The following NXPH1 variants were observed in gnomAD, a reference collection of about 807,000 sequenced individuals.
NXPH1 encodes neurexophilin-1.
NXPH1 carries 5 observed loss-of-function variants against 23.7 expected under a neutral mutation model. The observed-to-expected ratio is 0.21, with a 90% CI of 0.11 to 0.44. NXPH1 has a LOEUF of 0.44. Among genes scored for constraint, NXPH1 ranks in the 20% least tolerant of loss-of-function variants. NXPH1 has a pLI of 0.99. For missense variants in NXPH1, 324 were observed against 321.6 expected, an observed-to-expected ratio of 1.01 and a Z score of -0.06; for synonymous variants, 144 against 122.2, an observed-to-expected ratio of 1.18 and a Z score of -1.18.
intron 2 of NXPH1, among the ~76,000 whole-genome samples, chr7:8,733,627 G>A (rs1780196124): frequency 6.6e-6 from 1 of 152,072 alleles, no homozygotes; most frequent in Admixed American, 6.6e-5. Flanking sequence ...TTTCTCTAAT[G>A]ACCAGTGATG....
chr7:8,562,286 T>C (rs1325160169), intron 2 of NXPH1, among the ~76,000 whole-genome samples: 4 of 151,746 alleles, frequency 2.6e-5, no homozygotes, highest in Non-Finnish European at 5.9e-5. Flanking sequence ...ATGGAAAATA[T>C]TGATCCTCAA....
intron 2 of NXPH1, among the ~76,000 whole-genome samples, chr7:8,514,800 C>T (rs1817663265): frequency 6.6e-6 from 1 of 152,124 alleles, no homozygotes; most frequent in South Asian, 2.1e-4. Context: ...ACTCCACTTC[C>T]TGCCCCTCCA....
intron 2 of NXPH1, among the ~76,000 whole-genome samples, chr7:8,615,294 G>T (rs1819711589): frequency 6.6e-6 from 1 of 152,048 alleles, no homozygotes; most frequent in East Asian, 1.9e-4. Flanking sequence ...TAAACATGAG[G>T]ATTCAAACCC....
At chr7:8,632,873 C>G (rs1583206887) in intron 2 of NXPH1, among the ~76,000 whole-genome samples, 2 of 152,178 alleles carry the variant, frequency 1.3e-5, no homozygotes, top group African/African-American at 4.8e-5. Flanking sequence ...TTCTAATAAT[C>G]AAGTACCTAG....
chr7:8,597,385 T>G (rs1583181296), intron 2 of NXPH1, among the ~76,000 whole-genome samples: 1 of 151,602 alleles, frequency 6.6e-6, no homozygotes, highest in Non-Finnish European at 1.5e-5. Context: ...ATAATGGGGG[T>G]GGGCAAGTGG....
intron 2 of NXPH1, among the ~76,000 whole-genome samples, chr7:8,595,557 A>G (rs1215393364): frequency 2.0e-5 from 3 of 152,108 alleles, no homozygotes; most frequent in Non-Finnish European, 2.9e-5. Context: ...CATTGGATAC[A>G]TAATATTGAT....
At chr7:8,702,609 A>C (rs2115190634) in intron 2 of NXPH1, among the ~76,000 whole-genome samples, 1 of 152,216 alleles carries the variant, frequency 6.6e-6, no homozygotes, top group Admixed American at 6.5e-5. Context: ...TCATTCTTCT[A>C]TTATTTTCCT....
intron 2 of NXPH1, among the ~76,000 whole-genome samples, chr7:8,456,100 C>A (rs1563315318): frequency 6.6e-6 from 1 of 152,086 alleles, no homozygotes; most frequent in South Asian, 2.1e-4. Flanking sequence ...AATTGTCTTA[C>A]CTGGGTTACA....
rs556982406 is a variant in NXPH1, at chr7:8,508,166, T to C, written c.54+72399T>C. Among the ~76,000 whole-genome samples the C allele has an allele frequency of 9.4e-4, 143 of 152,260 alleles. 1 individual carries two copies. The highest frequency in any genetic ancestry group is 3.3e-3 in the African/African-American group (137 of 41,580). On this transcript the variant is annotated intron_variant, in intron 2 of 2. Transcript: ENST00000405863. ...ATAATTGCAATTTAGCTTTTCTCTC[T>C]ATTATAAATTTAGTTGTCTCTTTAC...
chr7:8,706,868 C>A (rs1419985173), intron 2 of NXPH1, among the ~76,000 whole-genome samples: 1 of 152,104 alleles, frequency 6.6e-6, no homozygotes, highest in African/African-American at 2.4e-5. Context: ...GATTTGTTTT[C>A]ATTGTCTAAA....
intron 2 of NXPH1, among the ~76,000 whole-genome samples, chr7:8,523,812 A>C (rs1014480766): frequency 6.6e-6 from 1 of 152,114 alleles, no homozygotes; most frequent in Non-Finnish European, 1.5e-5. Flanking sequence ...CTCACCCTTC[A>C]TACATTCTAT....
intron 2 of NXPH1, among the ~76,000 whole-genome samples, chr7:8,479,967 T>C (rs1220477869): frequency 6.6e-6 from 1 of 152,118 alleles, no homozygotes; most frequent in African/African-American, 2.4e-5. Flanking sequence ...ATCCTGCCTT[T>C]CCAATAAGAT....
intron 2 of NXPH1, among the ~76,000 whole-genome samples, chr7:8,709,602 G>A (rs1779755576): frequency 6.6e-6 from 1 of 152,012 alleles, no homozygotes; most frequent in Admixed American, 6.6e-5. Flanking sequence ...CAGAAACATG[G>A]ACTAATATGT....
chr7:8,667,431 C>A (rs1248032219), intron 2 of NXPH1, among the ~76,000 whole-genome samples: 2 of 146,252 alleles, frequency 1.4e-5, no homozygotes, highest in Non-Finnish European at 3.0e-5. Context: ...CTGAGAGTAT[C>A]TTTGTCAGGT....
At chr7:8,580,451 A>G (rs1411115497) in intron 2 of NXPH1, among the ~76,000 whole-genome samples, 2 of 152,210 alleles carry the variant, frequency 1.3e-5, no homozygotes, top group Non-Finnish European at 2.9e-5. Context: ...TTCCTCAGGC[A>G]AGAAGAAGCT....
chr7:8,685,432 G>C (rs192182542), intron 2 of NXPH1, among the ~76,000 whole-genome samples: 3 of 135,962 alleles, frequency 2.2e-5, no homozygotes, highest in Non-Finnish European at 1.6e-5. Context: ...CAAATAACTG[G>C]ATCTCATTTT....
At chr7:8,701,917 TC>T (rs1277309514) in intron 2 of NXPH1, among the ~76,000 whole-genome samples, 1 of 152,054 alleles carries the variant, frequency 6.6e-6, no homozygotes, top group African/African-American at 2.4e-5. Flanking sequence ...CTGATAAGCA[TC>T]TAGAACAGTC....
chr7:8,709,262 C>G (rs541015655), intron 2 of NXPH1, among the ~76,000 whole-genome samples: 1 of 152,194 alleles, frequency 6.6e-6, no homozygotes, highest in East Asian at 1.9e-4. Context: ...AAGTACTTTT[C>G]TTACCCTTTT....
chr7:8,549,968 TG>T (rs1383307753), intron 2 of NXPH1, among the ~76,000 whole-genome samples: 1 of 151,574 alleles, frequency 6.6e-6, no homozygotes, highest in Non-Finnish European at 1.5e-5. Context: ...CAGTGAGGAT[TG>T]AACCCACAGA....
Sources: gnomAD v4.1 joint callset for allele counts (sites outside exome capture counted in the v4.1 genomes callset) on GRCh38, gnomAD v4.1.1 for gene constraint, MANE v1.5 for transcripts, NCBI Gene and HGNC (gene_info 2026-07-23, HGNC 2026-07-21) for gene names.